EPHA3: variants seen among roughly 807,000 people sequenced by gnomAD.
EPHA3 encodes EPH receptor A3.
In EPHA3, 42 loss-of-function variants were observed where a neutral mutation model predicts 107.1. The observed-to-expected ratio is 0.39, with a 90% CI of 0.31 to 0.51. EPHA3 has a LOEUF of 0.51. Ranked by LOEUF, EPHA3 falls within the 20% of genes least tolerant of loss-of-function variation. The pLI is 0.78. For missense variants in EPHA3, 1,183 were observed against 1,211.2 expected (o/e 0.98, Z 0.35); for synonymous variants, 461 against 424.8 (o/e 1.09, Z -1.05).
chr3:89,472,452 T>TC lies in EPHA3; in HGVS notation c.2691-12_2691-11insC, dbSNP rs112297761. On this transcript the variant is annotated splice_polypyrimidine_tract_variant and intron_variant, in intron 15 of 16. Transcript: ENST00000336596. ...CCTGATCTGTCTCCCTTTGGTGTTTTTTTTCTTGCAGGCCATCAAACCTTC... is the reference window on the plus strand; with the variant it reads ...CCTGATCTGTCTCCCTTTGGTGTTTTCTTTTCTTGCAGGCCATCAAACCTTC... 375,548 of 1,611,086 alleles carry TC rather than the reference T, an allele frequency of 0.23. 46,933 individuals are homozygous for TC. Among genetic ancestry groups the TC allele is most frequent in the Non-Finnish European group, 0.25 (295,445 of 1,178,184 alleles).
chr3:89,366,579 G>C (rs1402724006), intron 5 of EPHA3, among the ~76,000 whole-genome samples: 1 of 150,638 alleles, frequency 6.6e-6, no homozygotes, highest in Non-Finnish European at 1.5e-5. Context: ...AAGAGAAAAA[G>C]TGTAGATAAT....
At chr3:89,229,222 TGAA>T (rs2107221420) in intron 3 of EPHA3, among the ~76,000 whole-genome samples, 1 of 152,064 alleles carries the variant, frequency 6.6e-6, no homozygotes, top group East Asian at 1.9e-4. Context: ...TGATTCAAAT[TGAA>T]GAAAGACTTA....
intron 15 of EPHA3, among the ~76,000 whole-genome samples, chr3:89,458,143 G>C (rs1309557675): frequency 2.0e-5 from 3 of 152,138 alleles, no homozygotes; most frequent in African/African-American, 7.2e-5. Flanking sequence ...CCAGATTTTA[G>C]GCACCTTGTA....
chr3:89,242,658 C>T (rs1424892837), intron 3 of EPHA3, among the ~76,000 whole-genome samples: 4 of 152,002 alleles, frequency 2.6e-5, no homozygotes, highest in South Asian at 2.1e-4. Context: ...AGGATGGTCT[C>T]GATCTCCTGA....
chr3:89,177,459 T>C (rs1705345132), intron 2 of EPHA3, among the ~76,000 whole-genome samples: 1 of 152,172 alleles, frequency 6.6e-6, no homozygotes, highest in Admixed American at 6.5e-5. Flanking sequence ...GATTTGATGT[T>C]CCCTCTCCCA....
intron 3 of EPHA3, among the ~76,000 whole-genome samples, chr3:89,281,087 G>A (rs1381135112): frequency 1.3e-5 from 2 of 151,680 alleles, no homozygotes; most frequent in Non-Finnish European, 2.9e-5. Context: ...GCAGTGGTGC[G>A]ATCTTGGATC....
intron 9 of EPHA3, 38 bp downstream of exon 9, chr3:89,408,169 G>A (rs374307662): frequency 7.3e-5 from 117 of 1,593,918 alleles, no homozygotes; most frequent in Non-Finnish European, 7.7e-5. Context: ...TTGCTTCACC[G>A]TTTTAGCTTT....
chr3:89,171,648 C>A (rs947035604), intron 2 of EPHA3, among the ~76,000 whole-genome samples: 4 of 152,130 alleles, frequency 2.6e-5, no homozygotes, highest in African/African-American at 9.7e-5. Context: ...TAGGGTACAA[C>A]TTCAGAGCTT....
intron 5 of EPHA3, among the ~76,000 whole-genome samples, chr3:89,384,666 G>T (rs1187487364): frequency 6.6e-6 from 1 of 152,008 alleles, no homozygotes; most frequent in Non-Finnish European, 1.5e-5. Context: ...TACAATTGAT[G>T]AAAAAAAGAA....
chr3:89,182,976 A>T (rs1365771160), intron 2 of EPHA3, among the ~76,000 whole-genome samples: 1 of 151,970 alleles, frequency 6.6e-6, no homozygotes, highest in Non-Finnish European at 1.5e-5. Flanking sequence ...CACAAAGCAG[A>T]CATTGAAACT....
At chr3:89,129,838 T>A (rs1704168549) in intron 2 of EPHA3, among the ~76,000 whole-genome samples, 2 of 152,162 alleles carry the variant, frequency 1.3e-5, no homozygotes, top group South Asian at 4.1e-4. Flanking sequence ...GAAACGTTTT[T>A]CATAAAAAAA....
intron 15 of EPHA3, among the ~76,000 whole-genome samples, chr3:89,469,782 A>C (rs1008845517): frequency 2.0e-5 from 3 of 152,194 alleles, no homozygotes; most frequent in Non-Finnish European, 4.4e-5. Context: ...TTCTAAAGAT[A>C]TTGAAATTAG....
chr3:89,448,763 G>T (rs1040871672), intron 13 of EPHA3, among the ~76,000 whole-genome samples: 3 of 152,044 alleles, frequency 2.0e-5, no homozygotes, highest in Admixed American at 1.3e-4. Flanking sequence ...AAGTACTTAT[G>T]TGCCAGGGAG....
At chr3:89,455,244 G>GT (rs1346268008) in intron 15 of EPHA3, among the ~76,000 whole-genome samples, 3 of 152,180 alleles carry the variant, frequency 2.0e-5, no homozygotes, top group African/African-American at 7.2e-5. Context: ...TAAAGGAATA[G>GT]CTGCGAAAGA....
At chr3:89,294,235 C>T (rs1379756310) in intron 3 of EPHA3, among the ~76,000 whole-genome samples, 2 of 152,016 alleles carry the variant, frequency 1.3e-5, no homozygotes, top group Non-Finnish European at 2.9e-5. Context: ...TTCCAAAGTA[C>T]GAGTCTTAGT....
At chr3:89,248,646 G>A (rs192967646) in intron 3 of EPHA3, among the ~76,000 whole-genome samples, 257 of 152,210 alleles carry the variant, frequency 1.7e-3, no homozygotes, top group Middle Eastern at 6.8e-3. Flanking sequence ...GTGTTTATAC[G>A]ATAGTCAACC....
chr3:89,325,014 G>A (rs576109516), intron 3 of EPHA3, among the ~76,000 whole-genome samples: 3 of 152,186 alleles, frequency 2.0e-5, no homozygotes, highest in South Asian at 2.1e-4. Context: ...CATCCATGTT[G>A]CTGCAAAGGA....
intron 12 of EPHA3, among the ~76,000 whole-genome samples, chr3:89,429,427 T>A (rs1337328344): frequency 1.3e-5 from 2 of 152,098 alleles, no homozygotes; most frequent in Non-Finnish European, 2.9e-5. Flanking sequence ...TCACACTCGT[T>A]AAATAAAAAT....
chr3:89,377,910 A>G (rs1708431857), intron 5 of EPHA3, among the ~76,000 whole-genome samples: 1 of 152,198 alleles, frequency 6.6e-6, no homozygotes, highest in Non-Finnish European at 1.5e-5. Context: ...AAAATCATTC[A>G]AAGACATGTA....
Sources: gnomAD v4.1 joint callset for allele counts (sites outside exome capture counted in the v4.1 genomes callset) on GRCh38, gnomAD v4.1.1 for gene constraint, MANE v1.5 for transcripts, NCBI Gene and HGNC (gene_info 2026-07-23, HGNC 2026-07-21) for gene names.